Variants in ANTXR2 observed in about 807,000 individuals in gnomAD.
ANTXR2 encodes the protein anthrax toxin receptor 2.
Under a neutral mutation model 73.7 loss-of-function variants are expected in ANTXR2, and 44 were observed. That is an observed-to-expected ratio of 0.60 (90% confidence interval 0.47 to 0.77). The LOEUF (loss-of-function observed/expected upper bound fraction) is 0.77, where lower values mean the gene tolerates loss of function less well. Among genes scored for constraint, ANTXR2 ranks in the 30% least tolerant of loss-of-function variants. The pLI is 0.00. For synonymous variants in ANTXR2, 217 were observed against 205.9 expected (o/e 1.05, Z -0.46); for missense variants, 604 against 592.5 (o/e 1.02, Z -0.20).
chr4:79,919,866 T>A (rs1354800646), intron 16 of ANTXR2, among the ~76,000 whole-genome samples: 334 of 7,246 alleles, frequency 0.046, 25 homozygotes, highest in East Asian at 0.12. Flanking sequence ...ATACATATTT[T>A]ATATATATAT....
At chr4:80,060,227 G>A (rs1734182341) in intron 3 of ANTXR2, among the ~76,000 whole-genome samples, 1 of 152,086 alleles carries the variant, frequency 6.6e-6, no homozygotes, top group Non-Finnish European at 1.5e-5. Flanking sequence ...CTGTACACTG[G>A]AATCATTTGA....
chr4:80,071,528 T>C, intron 2 of ANTXR2, 55 bp downstream of exon 2: 1 of 1,457,128 alleles, frequency 6.9e-7, no homozygotes, highest in Non-Finnish European at 9.6e-7. Flanking sequence ...AAAAGGGAAA[T>C]TCTACACTTT....
At chr4:80,029,036 G>C (rs1400209492) in intron 10 of ANTXR2, among the ~76,000 whole-genome samples, 1 of 152,084 alleles carries the variant, frequency 6.6e-6, no homozygotes. Context: ...TTCTCAGTTT[G>C]CTTGTAGGTG....
chr4:80,029,520 A>T lies in ANTXR2; in HGVS notation c.866+2103T>A, dbSNP rs1561015089. Among the ~76,000 whole-genome samples the T allele has an allele frequency of 3.9e-5, 6 of 152,026 alleles. No homozygotes were observed. In the South Asian group the frequency reaches 1.0e-3, roughly 26 times the overall value. On this transcript the variant is annotated intron_variant, in intron 10 of 16. Coordinates refer to ENST00000403729, the MANE Select transcript of ANTXR2 (RefSeq NM_058172.6). ...CCTTTTATCCACCAAACATTTAGTA[A>T]ATCTACTATGAGTCAGACATTGTGT...
intron 7 of ANTXR2, among the ~76,000 whole-genome samples, chr4:80,042,498 C>G (rs1733314387): frequency 6.6e-6 from 1 of 151,936 alleles, no homozygotes; most frequent in Non-Finnish European, 1.5e-5. Context: ...TTGGTCCTCT[C>G]CCCCTCACTG....
chr4:80,028,363 C>T (rs1382394577), intron 10 of ANTXR2, among the ~76,000 whole-genome samples: 1 of 152,138 alleles, frequency 6.6e-6, no homozygotes, highest in East Asian at 1.9e-4. Context: ...CTTACTCCCC[C>T]ATCTCCCACA....
chr4:80,034,115 T>C (rs1451009172), intron 8 of ANTXR2, among the ~76,000 whole-genome samples: 1 of 152,112 alleles, frequency 6.6e-6, no homozygotes, highest in South Asian at 2.1e-4. Context: ...TTCAAACCTA[T>C]AAATAATCAA....
intron 12 of ANTXR2, among the ~76,000 whole-genome samples, chr4:79,998,554 C>T (rs946129476): frequency 9.9e-5 from 15 of 152,016 alleles, no homozygotes; most frequent in Non-Finnish European, 2.2e-4. Context: ...TTGCTCTTAA[C>T]TCAAAATATC....
Position 80,054,274 on chromosome 4 carries a change from A to T in ANTXR2, c.634T>A (p.Ser212Thr), listed in dbSNP as rs561072388. Residue 212 changes from serine (S) to threonine (T), a missense_variant and splice_region_variant, in exon 7 of 17, where the codon TCT becomes ACT. Ser to Thr is a moderately conservative substitution (Grantham distance 58, BLOSUM62 1). Coordinates refer to ENST00000403729, the MANE Select transcript of ANTXR2 (RefSeq NM_058172.6). ...GFQALKGIIN[S>T]ILAQSCTEIL... ...CCTGCCCCCAGAGAAATACTCACAG[A>T]ATTAATTATTCCTTTAAGAGCCTGA... The T allele has an allele frequency of 6.3e-7, 1 of 1,594,326 alleles. No homozygotes were observed. The highest frequency in any genetic ancestry group is 2.3e-5 in the East Asian group (1 of 44,270).
chr4:80,006,901 C>G (rs1358714839), intron 12 of ANTXR2, among the ~76,000 whole-genome samples: 1 of 151,878 alleles, frequency 6.6e-6, no homozygotes, highest in African/African-American at 2.4e-5. Flanking sequence ...ATTAAAAAAC[C>G]AAGGAGCACA....
intron 16 of ANTXR2, among the ~76,000 whole-genome samples, chr4:79,907,900 C>T (rs780555244): frequency 5.9e-5 from 9 of 151,910 alleles, no homozygotes; most frequent in Admixed American, 1.3e-4. Context: ...ATGAGGAATC[C>T]CAAAAAAGGT....
In ANTXR2 at chr4:80,072,317, T is replaced by C. The variant is rs1281518715; in HGVS notation, c.152+92A>G. On this transcript the variant is annotated intron_variant, in intron 1 of 16. Coordinates refer to ENST00000403729, the MANE Select transcript of ANTXR2 (RefSeq NM_058172.6). ...CCCCTCCGCGGGTTTCCAACACCAC[T>C]CCCCGGGGTGCGCACACGCATCTCA... is the stretch of plus-strand genomic sequence containing the variant. The C allele has an allele frequency of 5.0e-6, 7 of 1,388,274 alleles. No homozygotes were observed. The East Asian group carries it at 1.9e-4, about 39-fold the overall frequency. 86.0% of individuals were successfully genotyped at this position (1,388,274 alleles called of 1,614,324 possible). A position where few individuals can be genotyped will look rare whatever the true frequency, so the allele number is the denominator to read the frequency against.
At chr4:79,985,362 A>G (rs1730095870) in intron 12 of ANTXR2, among the ~76,000 whole-genome samples, 1 of 151,274 alleles carries the variant, frequency 6.6e-6, no homozygotes, top group Non-Finnish European at 1.5e-5. Flanking sequence ...AAAAAAAAGA[A>G]AAAGAAAAAG....
intron 16 of ANTXR2, among the ~76,000 whole-genome samples, chr4:79,951,185 G>A (rs1448352851): frequency 1.3e-5 from 2 of 152,142 alleles, no homozygotes; most frequent in South Asian, 2.1e-4. Context: ...TGTTTGATGG[G>A]ACACAGATTT....
At chr4:79,913,758 C>T (rs1399189729) in intron 16 of ANTXR2, among the ~76,000 whole-genome samples, 1 of 152,114 alleles carries the variant, frequency 6.6e-6, no homozygotes, top group African/African-American at 2.4e-5. Context: ...CCACGAAGTC[C>T]TGTGGCTTTT....
At chr4:79,985,206 C>T (rs978933078) in intron 12 of ANTXR2, among the ~76,000 whole-genome samples, 12 of 151,646 alleles carry the variant, frequency 7.9e-5, no homozygotes, top group Admixed American at 3.3e-4. Flanking sequence ...AAAAATTAGC[C>T]GGGCGTGGTG....
At chr4:79,909,172 A>C (rs1330921971) in intron 16 of ANTXR2, among the ~76,000 whole-genome samples, 1 of 152,200 alleles carries the variant, frequency 6.6e-6, no homozygotes, top group Non-Finnish European at 1.5e-5. Flanking sequence ...TTATGACAGC[A>C]AAGATATAAA....
chr4:79,991,689 T>G (rs1192871952), intron 12 of ANTXR2, among the ~76,000 whole-genome samples: 1 of 151,914 alleles, frequency 6.6e-6, no homozygotes, highest in East Asian at 1.9e-4. Flanking sequence ...AGCAAAGACA[T>G]GGAATCAACC....
intron 16 of ANTXR2, among the ~76,000 whole-genome samples, chr4:79,913,358 T>C (rs1032066483): frequency 6.6e-6 from 1 of 152,184 alleles, no homozygotes; most frequent in Non-Finnish European, 1.5e-5. Context: ...AAAGTTTCAA[T>C]AAAATGCCTG....
Sources: allele counts gnomAD v4.1 joint callset (sites outside exome capture counted in the v4.1 genomes callset), GRCh38; gene constraint gnomAD v4.1.1; transcripts MANE v1.5; gene names NCBI Gene and HGNC (gene_info 2026-07-23, HGNC 2026-07-21).